SLC16A7: variants seen among roughly 807,000 people sequenced by gnomAD.
The protein encoded by SLC16A7 is solute carrier family 16 member 7.
A neutral mutation model predicts 34.9 loss-of-function variants in SLC16A7; 33 were observed. The observed-to-expected ratio is 0.94, with a 90% confidence interval of 0.72 to 1.26. The LOEUF is 1.26. Among genes scored for constraint, SLC16A7 ranks in the 50% most tolerant of loss-of-function variants. The pLI is 0.00. For synonymous variants in SLC16A7, 201 were observed against 206.6 expected (o/e 0.97, Z 0.23); for missense variants, 573 against 578.1 (o/e 0.99, Z 0.09).
At chr12:59,647,194 A>G (rs1868262902) in intron 1 of SLC16A7, among the ~76,000 whole-genome samples, 1 of 152,070 alleles carries the variant, frequency 6.6e-6, no homozygotes, top group Admixed American at 6.6e-5. Context: ...GTGGAATGAT[A>G]TGGTTGGCTG....
rs989291808 is a variant in SLC16A7 at position 59,786,557 on chromosome 12, TA to T, written c.*6882del. The T allele has an allele frequency of 1.3e-5, 2 of 152,218 alleles. No individual in the cohort carries two copies. Among genetic ancestry groups the T allele is most frequent in the African/African-American group, 4.8e-5 (2 of 41,472 alleles). 9.4% of individuals were successfully genotyped at this position (152,218 alleles called of 1,614,324 possible). A position where few individuals can be genotyped will look rare whatever the true frequency, so the allele number is the denominator to read the frequency against. On this transcript the variant is annotated 3_prime_UTR_variant, in exon 6 of 6. Transcript: ENST00000547379. ...ATTTAGTGAAATAGCAAATATGAAT[TA>T]AAATATTTATTTCTAAACATTAGAT...
At chr12:59,713,790 C>G (rs1376687940) in intron 3 of SLC16A7, among the ~76,000 whole-genome samples, 4 of 152,088 alleles carry the variant, frequency 2.6e-5, no homozygotes, top group Non-Finnish European at 4.4e-5. Flanking sequence ...TCCAGCATCA[C>G]AATTAAGAAG....
At chr12:59,654,859 T>C (rs1244660715) in intron 1 of SLC16A7, among the ~76,000 whole-genome samples, 2 of 151,802 alleles carry the variant, frequency 1.3e-5, no homozygotes, top group Non-Finnish European at 2.9e-5. Context: ...CTTGAGAAAT[T>C]GTACTTGGGA....
At chr12:59,738,509 T>C (rs1485331951) in intron 3 of SLC16A7, among the ~76,000 whole-genome samples, 1 of 152,196 alleles carries the variant, frequency 6.6e-6, no homozygotes, top group Non-Finnish European at 1.5e-5. Flanking sequence ...AGAAGGCCTG[T>C]CTATTCTGAC....
At chr12:59,728,417 T>A (rs1876543596) in intron 3 of SLC16A7, among the ~76,000 whole-genome samples, 1 of 152,220 alleles carries the variant, frequency 6.6e-6, no homozygotes. Context: ...GATAATGTCT[T>A]GAACTAAGAT....
At chr12:59,726,320 C>A (rs1876227382) in intron 3 of SLC16A7, among the ~76,000 whole-genome samples, 1 of 151,908 alleles carries the variant, frequency 6.6e-6, no homozygotes. Context: ...TTTAAAGAAT[C>A]AATATTTTTA....
At chr12:59,610,729 T>C (rs1427422220) in intron 1 of SLC16A7, among the ~76,000 whole-genome samples, 2 of 152,246 alleles carry the variant, frequency 1.3e-5, no homozygotes, top group Non-Finnish European at 2.9e-5. Flanking sequence ...GATAGTGCTG[T>C]AATGATGTTC....
chr12:59,768,243 A>G, intron 3 of SLC16A7: 1 of 454,542 alleles, frequency 2.2e-6, no homozygotes. Flanking sequence ...AGGAGGTCAA[A>G]ATACCAACAT....
chr12:59,723,712 C>A (rs948707620), intron 3 of SLC16A7, among the ~76,000 whole-genome samples: 38 of 151,990 alleles, frequency 2.5e-4, no homozygotes, highest in African/African-American at 9.2e-4. Flanking sequence ...AGGCATTGCA[C>A]AATGACTCTG....
chr12:59,764,517 G>A (rs1881372159), intron 3 of SLC16A7, among the ~76,000 whole-genome samples: 1 of 132,970 alleles, frequency 7.5e-6, no homozygotes, highest in Non-Finnish European at 1.5e-5. Flanking sequence ...GGTGTGTGAT[G>A]TTCCCCTTCC....
chr12:59,604,119 G>C (rs1023005253), intron 1 of SLC16A7, among the ~76,000 whole-genome samples: 6 of 152,178 alleles, frequency 3.9e-5, no homozygotes, highest in Non-Finnish European at 8.8e-5. Flanking sequence ...GTATTGTGGA[G>C]TAATTCAACT....
intron 2 of SLC16A7, among the ~76,000 whole-genome samples, chr12:59,676,951 T>C (rs1479153419): frequency 6.6e-6 from 1 of 152,216 alleles, no homozygotes; most frequent in East Asian, 1.9e-4. Flanking sequence ...CTTACTAGAA[T>C]GTCACTTGAA....
intron 2 of SLC16A7, among the ~76,000 whole-genome samples, chr12:59,694,624 G>T (rs181605670): frequency 6.6e-6 from 1 of 151,826 alleles, no homozygotes; most frequent in East Asian, 1.9e-4. Flanking sequence ...AGATCTCTAA[G>T]ATCTATTCAT....
At chr12:59,670,453 T>C (rs892094087) in intron 2 of SLC16A7, among the ~76,000 whole-genome samples, 3 of 151,996 alleles carry the variant, frequency 2.0e-5, no homozygotes, top group African/African-American at 7.2e-5. Context: ...ACGTGTAAAA[T>C]ACATACATAT....
At chr12:59,682,595 G>A in intron 2 of SLC16A7, among the ~76,000 whole-genome samples, 1 of 152,194 alleles carries the variant, frequency 6.6e-6, no homozygotes, top group East Asian at 1.9e-4. Context: ...TCCTTTCTTA[G>A]AAATGATTAT....
chr12:59,607,780 G>T (rs893119332), intron 1 of SLC16A7, among the ~76,000 whole-genome samples: 1 of 151,798 alleles, frequency 6.6e-6, no homozygotes, highest in Non-Finnish European at 1.5e-5. Context: ...TTAAAAACTT[G>T]CAGTAGCCAA....
chr12:59,703,068 A>G (rs1296518146), intron 2 of SLC16A7, among the ~76,000 whole-genome samples: 1 of 152,104 alleles, frequency 6.6e-6, no homozygotes, highest in Non-Finnish European at 1.5e-5. Flanking sequence ...GTATTTATTG[A>G]GTGAGATCCC....
chr12:59,745,690 G>A (rs1878819380), intron 3 of SLC16A7, among the ~76,000 whole-genome samples: 1 of 152,162 alleles, frequency 6.6e-6, no homozygotes, highest in African/African-American at 2.4e-5. Flanking sequence ...TTCCTGGAAG[G>A]TTTAGAAGGT....
chr12:59,669,803 C>A (rs1666037856), intron 2 of SLC16A7, among the ~76,000 whole-genome samples: 1 of 152,112 alleles, frequency 6.6e-6, no homozygotes, highest in Admixed American at 6.5e-5. Flanking sequence ...CTTTGCAAAT[C>A]ATGGATAAGT....
Sources: allele counts gnomAD v4.1 joint callset (sites outside exome capture counted in the v4.1 genomes callset), GRCh38; gene constraint gnomAD v4.1.1; transcripts MANE v1.5; gene names NCBI Gene and HGNC (gene_info 2026-07-23, HGNC 2026-07-21).